Variants in GANAB observed in about 807,000 individuals in gnomAD.
GANAB encodes neutral alpha-glucosidase AB.
In GANAB, 35 loss-of-function variants were observed where a neutral mutation model predicts 129.9. The observed-to-expected ratio is 0.27, with a 90% CI of 0.21 to 0.36. The LOEUF is 0.36. Ranked by LOEUF, GANAB falls within the 10% of genes least tolerant of loss-of-function variation. GANAB has a pLI of 1.00. For missense variants in GANAB, 939 were observed against 1,221.0 expected, an observed-to-expected ratio of 0.77 and a Z score of 3.44; for synonymous variants, 482 against 451.8, an observed-to-expected ratio of 1.07 and a Z score of -0.85.
Position 62,633,046 on chromosome 11 carries a change from C to G in GANAB, c.774G>C (p.Gly258=). The change falls in exon 8 of 24, where the codon GGG becomes GGC. Residue 258 remains glycine (G), a synonymous_variant. Transcript: ENST00000356638. ...FSLPGMEHVY[G]IPEHADNLRL... is the part of the protein sequence containing the mutation. ...TCAGGTTGTCTGCATGCTCAGGGAT[C>G]CCATAGACATGCTCCATGCCTGGCA... is the stretch of plus-strand genomic sequence containing the variant. The G allele has an allele frequency of 6.2e-7, 1 of 1,611,498 alleles. No individual in the cohort carries two copies. Among genetic ancestry groups the G allele is most frequent in the Non-Finnish European group, 8.5e-7 (1 of 1,177,578 alleles).
intron 2 of GANAB, 56 bp from the exon 3 acceptor site, chr11:62,639,523 C>G: frequency 6.8e-7 from 1 of 1,465,852 alleles, no homozygotes; most frequent in Non-Finnish European, 9.6e-7. Flanking sequence ...GTCCCTAAGT[C>G]AGTCTATCAC....
At chr11:62,642,333 T>C (rs1359227233) in intron 1 of GANAB, among the ~76,000 whole-genome samples, 3 of 152,106 alleles carry the variant, frequency 2.0e-5, no homozygotes, top group South Asian at 2.1e-4. Flanking sequence ...GGGATTATAG[T>C]GTCAGCCACT....
intron 16 of GANAB, 38 bp from the exon 17 acceptor site, chr11:62,629,050 G>A (rs1447445678): frequency 1.2e-6 from 2 of 1,607,006 alleles, no homozygotes; most frequent in East Asian, 2.2e-5. Flanking sequence ...TGGAAAAGAG[G>A]GTGAAGGAGA....
At chr11:62,625,948 C>T (rs1943351590) in intron 23 of GANAB, 24 bp from the exon 24 acceptor site, 7 of 1,528,550 alleles carry the variant, frequency 4.6e-6, no homozygotes, top group Non-Finnish European at 6.4e-6. Context: ...AAAAGAGTGC[C>T]ATAGTCATAC....
chr11:62,642,393 T>C (rs1270112018), intron 1 of GANAB, among the ~76,000 whole-genome samples: 1 of 151,770 alleles, frequency 6.6e-6, no homozygotes, highest in African/African-American at 2.4e-5. Context: ...CTGGTCTCAC[T>C]TCTAAAAATT....
At chr11:62,639,192 G>T (rs1433770973) in intron 3 of GANAB, 82 bp from the exon 4 acceptor site, 1 of 1,519,548 alleles carries the variant, frequency 6.6e-7, no homozygotes, top group Non-Finnish European at 9.1e-7. Flanking sequence ...TCTCCTAAGG[G>T]GTTTCTTCCT....
intron 5 of GANAB, 36 bp from the exon 6 acceptor site, chr11:62,633,550 G>T: frequency 6.3e-7 from 1 of 1,587,106 alleles, no homozygotes; most frequent in Non-Finnish European, 8.7e-7. Context: ...CCAATCCAGA[G>T]GGGGCAGGGA....
chr11:62,641,408 T>A (rs372571128), intron 1 of GANAB, among the ~76,000 whole-genome samples: 10 of 146,468 alleles, frequency 6.8e-5, no homozygotes, highest in African/African-American at 2.2e-4. Flanking sequence ...GGTCCTAACA[T>A]CCCTAGCACC....
intron 17 of GANAB, 95 bp downstream of exon 17, chr11:62,628,674 G>C: frequency 7.9e-7 from 1 of 1,263,362 alleles, no homozygotes. Flanking sequence ...TTACAAGGCT[G>C]TAGTGAGTGA....
At chr11:62,638,431 C>T (rs534297063) in intron 4 of GANAB, among the ~76,000 whole-genome samples, 7 of 152,036 alleles carry the variant, frequency 4.6e-5, no homozygotes, top group Non-Finnish European at 7.4e-5. Flanking sequence ...GGATTACAGG[C>T]GTTGAGCCAC....
At chr11:62,639,925 CT>C (rs1327273364) in intron 1 of GANAB, 194 bp from the exon 2 acceptor site, 1 of 568,332 alleles carries the variant, frequency 1.8e-6, no homozygotes, top group Non-Finnish European at 3.2e-6. Context: ...AGTTGGCTCA[CT>C]CACACCTTCC....
intron 5 of GANAB, 120 bp from the exon 6 acceptor site, chr11:62,633,634 G>A (rs1417708533): frequency 4.8e-6 from 4 of 833,552 alleles, no homozygotes; most frequent in Non-Finnish European, 4.0e-6. Flanking sequence ...TTGGAGGAAG[G>A]GACTAAATGT....
chr11:62,638,103 T>A (rs1398824873), intron 4 of GANAB, among the ~76,000 whole-genome samples: 1 of 152,062 alleles, frequency 6.6e-6, no homozygotes, highest in African/African-American at 2.4e-5. Flanking sequence ...ACTACCTACG[T>A]CTGGAGCCGT....
chr11:62,630,016 G>C, intron 13 of GANAB, 59 bp from the exon 14 acceptor site: 4 of 1,567,854 alleles, frequency 2.6e-6, no homozygotes, highest in Non-Finnish European at 3.5e-6. Flanking sequence ...AAGACAAACA[G>C]TGTCAGAGAA....
intron 18 of GANAB, 58 bp downstream of exon 18, chr11:62,627,231 C>A: frequency 7.2e-7 from 1 of 1,382,284 alleles, no homozygotes; most frequent in South Asian, 1.2e-5. Context: ...CCTCCCTGGG[C>A]ATCCGCAGTG....
At chr11:62,646,067 T>A (rs183377525) in intron 1 of GANAB, among the ~76,000 whole-genome samples, 72 of 152,272 alleles carry the variant, frequency 4.7e-4, no homozygotes, top group Non-Finnish European at 9.7e-4. Context: ...GGTGCTCACG[T>A]GAAGACAAGG....
chr11:62,633,879 T>G, intron 5 of GANAB: 1 of 405,200 alleles, frequency 2.5e-6, no homozygotes, highest in Non-Finnish European at 4.5e-6. Flanking sequence ...TCCCTGGGCC[T>G]CAGCCTCCTG....
At chr11:62,630,112 C>A in intron 13 of GANAB, 85 bp downstream of exon 13, 2 of 1,332,408 alleles carry the variant, frequency 1.5e-6, no homozygotes, top group Non-Finnish European at 1.1e-6. Flanking sequence ...AGGCAATCAA[C>A]CATAGAAGGG....
In GANAB at chr11:62,628,807, G is replaced by C. The variant is rs1943524766; in HGVS notation, c.2142C>G (p.Leu714=). 2 of 1,614,082 alleles carry C rather than the reference G, an allele frequency of 1.2e-6. No individual in the cohort carries two copies. Among genetic ancestry groups the C allele is most frequent in the South Asian group, 1.1e-5 (1 of 91,076 alleles). Residue 714 remains leucine (L), a synonymous_variant, in exon 17 of 24, where the codon CTC becomes CTG. Transcript: ENST00000356638. ...TGCCTTCCCGATGGGCCTGATATAA[G>C]AGGGTGTACCAGAAGGGCAGCAAAG... ...RYSLLPFWYT[L]LYQAHREGIP... is the part of the protein sequence containing the mutation.
Sources: allele counts gnomAD v4.1 joint callset (sites outside exome capture counted in the v4.1 genomes callset), GRCh38; gene constraint gnomAD v4.1.1; transcripts MANE v1.5; gene names NCBI Gene and HGNC (gene_info 2026-07-23, HGNC 2026-07-21).